Variants in OPCML observed in about 807,000 individuals in gnomAD.
The protein encoded by OPCML is opioid binding protein/cell adhesion molecule like.
A neutral mutation model predicts 37.8 loss-of-function variants in OPCML; 13 were observed. That is an observed-to-expected ratio of 0.34 (90% confidence interval 0.22 to 0.55). The LOEUF (loss-of-function observed/expected upper bound fraction) is 0.55. Among genes scored for constraint, OPCML ranks in the 20% least tolerant of loss-of-function variants. OPCML has a pLI of 0.91. For missense variants in OPCML, 341 were observed against 435.6 expected, an observed-to-expected ratio of 0.78 and a Z score of 1.93; for synonymous variants, 176 against 168.8, an observed-to-expected ratio of 1.04 and a Z score of -0.33.
chr11:133,289,587 T>A (rs1592170953), intron 1 of OPCML, among the ~76,000 whole-genome samples: 2 of 103,288 alleles, frequency 1.9e-5, no homozygotes, highest in Admixed American at 1.3e-4. Context: ...AGAGCGAGAC[T>A]CCATCTCAAA....
At position 132,685,192 on chromosome 11, in the gene OPCML, C is replaced by A. The variant is rs1429226181; in HGVS notation, c.147-27873G>T. Among the ~76,000 whole-genome samples, 5 of 152,174 alleles carry A rather than the reference C, an allele frequency of 3.3e-5. No homozygotes were observed. The East Asian group carries it at 9.6e-4, about 29-fold the overall frequency. On this transcript the variant is annotated intron_variant, in intron 2 of 7. Coordinates refer to ENST00000524381, the MANE Select transcript of OPCML (RefSeq NM_001012393.5). ...TCATCTCCATGCCAATAGTCTATTGCAATAGACAAGCACTGGATTTTCCCT... is the reference window on the plus strand; with the variant it reads ...TCATCTCCATGCCAATAGTCTATTGAAATAGACAAGCACTGGATTTTCCCT...
At chr11:133,051,954 A>C (rs910659620) in intron 1 of OPCML, among the ~76,000 whole-genome samples, 68 of 152,186 alleles carry the variant, frequency 4.5e-4, no homozygotes, top group African/African-American at 1.6e-3. Context: ...TTACAGAGTC[A>C]GCGGGGAGGA....
chr11:132,619,851 CAAAAAAAA>C (rs34927802), intron 3 of OPCML, among the ~76,000 whole-genome samples: 1 of 112,890 alleles, frequency 8.9e-6, no homozygotes, highest in Non-Finnish European at 1.8e-5. Context: ...GACTCCATGT[CAAAAAAAA>C]AAAAAAAAAA....
At chr11:133,354,491 T>C (rs540012504) in intron 1 of OPCML, among the ~76,000 whole-genome samples, 1 of 152,270 alleles carries the variant, frequency 6.6e-6, no homozygotes, top group East Asian at 1.9e-4. Context: ...AGAGAAATTC[T>C]GTAACTTGCT....
At chr11:133,147,263 A>AC (rs1314131499) in intron 1 of OPCML, among the ~76,000 whole-genome samples, 2 of 152,178 alleles carry the variant, frequency 1.3e-5, no homozygotes, top group Non-Finnish European at 2.9e-5. Context: ...AAACCTGCTG[A>AC]CCACTCAGAA....
At chr11:132,716,877 T>G (rs765325207) in intron 2 of OPCML, among the ~76,000 whole-genome samples, 6 of 151,500 alleles carry the variant, frequency 4.0e-5, no homozygotes, top group Non-Finnish European at 8.8e-5. Flanking sequence ...AGAAGAAGAG[T>G]TCTTTCTTAT....
At chr11:133,260,801 C>T (rs1040894482) in intron 1 of OPCML, among the ~76,000 whole-genome samples, 1 of 152,238 alleles carries the variant, frequency 6.6e-6, no homozygotes, top group Admixed American at 6.5e-5. Flanking sequence ...AATCCACGTA[C>T]TCTGCTTCCC....
At chr11:132,563,714 G>A (rs1318723053) in intron 3 of OPCML, among the ~76,000 whole-genome samples, 1 of 151,854 alleles carries the variant, frequency 6.6e-6, no homozygotes, top group Admixed American at 6.6e-5. Context: ...CTATGAATGG[G>A]ATCTGCAGAA....
At position 132,570,755 on chromosome 11, in the gene OPCML, G is replaced by GTATATATATATA. The variant is rs71477765; in HGVS notation, c.380-41581_380-41570dup. 5.6e-3 allele frequency among the ~76,000 whole-genome samples: 169 copies of GTATATATATATA among 30,106 alleles called. 8 individuals are homozygous for GTATATATATATA. The highest frequency in any genetic ancestry group is 6.6e-3 in the Non-Finnish European group (105 of 15,836). 19.8% of individuals were successfully genotyped at this position (30,106 alleles called of 152,430 possible). Reference sequence around the variant, plus strand: ...CTCAGGGGAATAGGCAGGAAAGAGAGTATATATATATATATATATATATAT... The same window carrying GTATATATATATA: ...CTCAGGGGAATAGGCAGGAAAGAGAGTATATATATATATATATATATATATATATATATATAT... On this transcript the variant is annotated intron_variant, in intron 3 of 7. Transcript: ENST00000524381.
intron 1 of OPCML, among the ~76,000 whole-genome samples, chr11:133,447,190 T>C (rs1052148207): frequency 3.9e-5 from 6 of 152,228 alleles, no homozygotes; most frequent in African/African-American, 1.4e-4. Context: ...CCCATATCCT[T>C]GTCAGCTCTT....
intron 2 of OPCML, among the ~76,000 whole-genome samples, chr11:132,828,939 C>A (rs1374272759): frequency 6.6e-6 from 1 of 152,142 alleles, no homozygotes; most frequent in Non-Finnish European, 1.5e-5. Context: ...CACTCAGCAG[C>A]CTTGTGAAGA....
At chr11:132,599,998 T>C (rs538752080) in intron 3 of OPCML, among the ~76,000 whole-genome samples, 4 of 152,320 alleles carry the variant, frequency 2.6e-5, no homozygotes, top group South Asian at 4.1e-4. Context: ...CAGAATACAG[T>C]GCAATCAATA....
At chr11:132,556,716 C>A (rs1312680510) in intron 3 of OPCML, among the ~76,000 whole-genome samples, 1 of 152,140 alleles carries the variant, frequency 6.6e-6, no homozygotes, top group African/African-American at 2.4e-5. Context: ...GAACACTCAC[C>A]CTCGGCTGGC....
At chr11:133,332,929 G>A (rs969648429) in intron 1 of OPCML, among the ~76,000 whole-genome samples, 4 of 152,106 alleles carry the variant, frequency 2.6e-5, no homozygotes, top group African/African-American at 4.8e-5. Flanking sequence ...CTACAGTGAC[G>A]CAAACAGCAT....
At chr11:133,403,401 G>C (rs74340061) in intron 1 of OPCML, among the ~76,000 whole-genome samples, 2,758 of 152,262 alleles carry the variant, frequency 0.018, 97 homozygotes, top group African/African-American at 0.063. Context: ...GTAAACGTCT[G>C]TTCAAGACCA....
At chr11:133,265,999 G>A (rs998562504) in intron 1 of OPCML, among the ~76,000 whole-genome samples, 2 of 152,080 alleles carry the variant, frequency 1.3e-5, no homozygotes, top group African/African-American at 4.8e-5. Context: ...AGAAGGGGAT[G>A]GAGAAATGAG....
chr11:133,228,335 G>C (rs540906980), intron 1 of OPCML, among the ~76,000 whole-genome samples: 1 of 152,298 alleles, frequency 6.6e-6, no homozygotes, highest in East Asian at 1.9e-4. Context: ...AAACCTGGAG[G>C]CCGAGGTTCA....
At chr11:133,071,251 G>T (rs781199631) in intron 1 of OPCML, among the ~76,000 whole-genome samples, 1 of 152,164 alleles carries the variant, frequency 6.6e-6, no homozygotes, top group Non-Finnish European at 1.5e-5. Flanking sequence ...AAGGAAACCA[G>T]CATAGAAATG....
chr11:133,188,926 C>T (rs1430582652), intron 1 of OPCML, among the ~76,000 whole-genome samples: 1 of 152,142 alleles, frequency 6.6e-6, no homozygotes, highest in Non-Finnish European at 1.5e-5. Context: ...TTTGCATTTA[C>T]TACTAGCCAG....
Sources: gnomAD v4.1 joint callset for allele counts (sites outside exome capture counted in the v4.1 genomes callset) on GRCh38, gnomAD v4.1.1 for gene constraint, MANE v1.5 for transcripts, NCBI Gene and HGNC (gene_info 2026-07-23, HGNC 2026-07-21) for gene names.